ARHGAP35: variants seen among roughly 807,000 people sequenced by gnomAD.
The protein encoded by ARHGAP35 is Rho GTPase activating protein 35.
Under a neutral mutation model 111.1 loss-of-function variants are expected in ARHGAP35, and 15 were observed. The observed-to-expected ratio is 0.13, with a 90% CI of 0.09 to 0.21. The LOEUF (loss-of-function observed/expected upper bound fraction) is 0.21. Ranked by LOEUF, ARHGAP35 falls within the 10% of genes least tolerant of loss-of-function variation. ARHGAP35 has a pLI of 1.00. For missense variants in ARHGAP35, 1,262 were observed against 1,873.0 expected, an observed-to-expected ratio of 0.67 and a Z score of 6.02; for synonymous variants, 643 against 710.3, an observed-to-expected ratio of 0.91 and a Z score of 1.51.
At chr19:46,969,788 AGT>A (rs535025177) in intron 3 of ARHGAP35, among the ~76,000 whole-genome samples, 141 of 152,254 alleles carry the variant, frequency 9.3e-4, no homozygotes, top group Middle Eastern at 3.4e-3. Flanking sequence ...GTCTGCTACA[AGT>A]GTTACTGGGC....
chr19:46,937,456 A>G (rs1176647791), intron 3 of ARHGAP35, 48 bp downstream of exon 3: 5 of 1,600,338 alleles, frequency 3.1e-6, no homozygotes, highest in Non-Finnish European at 4.3e-6. Context: ...TGTCTACAGG[A>G]TGCTTACTGG....
rs907596709 is a variant in ARHGAP35 at position 46,903,901 on chromosome 19, CT to C, written c.-188-14576del. On this transcript the variant is annotated intron_variant, in intron 1 of 6. Transcript: ENST00000672722. ...ATGTTACTTATAGTTTGAAATTCGCCTTTTTTTTTTTCTCTGAAATATATCT... is the reference window on the plus strand; with the variant it reads ...ATGTTACTTATAGTTTGAAATTCGCCTTTTTTTTTTCTCTGAAATATATCT... Among the ~76,000 whole-genome samples the C allele has an allele frequency of 3.5e-3, 511 of 145,614 alleles. 1 individual carries two copies. Among genetic ancestry groups the C allele is most frequent in the Admixed American group, 9.0e-3 (132 of 14,608 alleles).
chr19:46,956,997 T>C (rs2056442970), intron 3 of ARHGAP35, among the ~76,000 whole-genome samples: 1 of 145,956 alleles, frequency 6.9e-6, no homozygotes, highest in Non-Finnish European at 1.5e-5. Flanking sequence ...TCTCGCTCTG[T>C]CGCCCAGGGT....
At position 46,920,963 on chromosome 19, in the gene ARHGAP35, G is replaced by GT. The variant is rs1242502092; in HGVS notation, c.2289dup (p.Asn764Ter). On this transcript the variant is annotated frameshift_variant, in exon 2 of 7. Transcript: ENST00000672722. LOFTEE classifies it high-confidence loss of function. This position sits in a 1 kb window ranked among gnomAD's most constrained non-coding sequence, Gnocchi z 7.0. ...TTGAAGGGACTCCTGGACTCTAAGC[G>GT]TAACTTAAACCTGGTCAGTTCTACT... The GT allele has an allele frequency of 6.2e-7, 1 of 1,613,850 alleles. No homozygotes were observed. Among genetic ancestry groups the GT allele is most frequent in the African/African-American group, 1.3e-5 (1 of 74,910 alleles).
chr19:46,884,516 T>TC (rs1491307775), intron 1 of ARHGAP35, among the ~76,000 whole-genome samples: 170 of 144,908 alleles, frequency 1.2e-3, no homozygotes, highest in African/African-American at 4.1e-3. Context: ...TTTTTTTTTT[T>TC]CCCCTTTTGA....
Position 46,989,816 on chromosome 19 carries a change from C to A in ARHGAP35, c.4036+141C>A. ...GAGGGCAAGGGAATTAACCAGATGA[C>A]AGCAATGGGACTTGCAAATCGGGCT... On this transcript the variant is annotated intron_variant, in intron 5 of 6. Coordinates refer to ENST00000672722, the MANE Select transcript of ARHGAP35 (RefSeq NM_004491.5). The surrounding 1 kb of genome is among the most constrained non-coding windows in gnomAD (Gnocchi z 5.3). 1 of 1,381,524 alleles carries A rather than the reference C, an allele frequency of 7.2e-7. No individual in the cohort carries two copies. Among genetic ancestry groups the A allele is most frequent in the Non-Finnish European group, 9.9e-7 (1 of 1,009,678 alleles). 85.6% of individuals were successfully genotyped at this position (1,381,524 alleles called of 1,614,324 possible). A position where few individuals can be genotyped will look rare whatever the true frequency, so the allele number is the denominator to read the frequency against.
intron 3 of ARHGAP35, among the ~76,000 whole-genome samples, chr19:46,967,795 C>T (rs1359948609): frequency 2.0e-5 from 3 of 152,220 alleles, no homozygotes; most frequent in Non-Finnish European, 2.9e-5. Flanking sequence ...TTATATTTCT[C>T]ACCCGCACTG....
At chr19:46,931,886 CAGAGTGGT>C (rs2056274869) in intron 2 of ARHGAP35, among the ~76,000 whole-genome samples, 1 of 152,202 alleles carries the variant, frequency 6.6e-6, no homozygotes, top group South Asian at 2.1e-4. Context: ...CCTTACCTTG[CAGAGTGGT>C]CGTGAAGTTT....
At chr19:46,978,879 TGTGTGTGTGGTGTGGGG>T (rs2056601626) in intron 3 of ARHGAP35, among the ~76,000 whole-genome samples, 1 of 69,952 alleles carries the variant, frequency 1.4e-5, no homozygotes, top group Non-Finnish European at 2.6e-5. Context: ...TTGGTGGGAT[TGTGTGTGTGGTGTGGGG>T]GTGTGTGTGG....
intron 1 of ARHGAP35, among the ~76,000 whole-genome samples, chr19:46,882,568 A>G (rs930542470): frequency 1.1e-4 from 17 of 152,122 alleles, no homozygotes; most frequent in Non-Finnish European, 1.5e-5. Context: ...TGTGCCATTG[A>G]TGGTTTGCTG....
intron 2 of ARHGAP35, among the ~76,000 whole-genome samples, chr19:46,923,705 G>C (rs1458860201): frequency 6.6e-6 from 1 of 151,712 alleles, no homozygotes; most frequent in East Asian, 1.9e-4. Context: ...GATCTCTTGA[G>C]GTCAGGAGTT....
chr19:46,962,298 G>T (rs1171395674), intron 3 of ARHGAP35, among the ~76,000 whole-genome samples: 1 of 152,218 alleles, frequency 6.6e-6, no homozygotes, highest in African/African-American at 2.4e-5. Context: ...GAGCAGCTCA[G>T]GGTTTCTGAG....
intron 2 of ARHGAP35, among the ~76,000 whole-genome samples, chr19:46,934,353 C>T (rs1269677061): frequency 6.6e-6 from 1 of 152,200 alleles, no homozygotes; most frequent in African/African-American, 2.4e-5. Flanking sequence ...CAGAGGCACT[C>T]AGCCCCTCTT....
intron 3 of ARHGAP35, among the ~76,000 whole-genome samples, chr19:46,978,556 GT>G (rs2056592441): frequency 5.5e-5 from 8 of 144,442 alleles, no homozygotes; most frequent in African/African-American, 7.7e-5. Context: ...GTGTGGTGAG[GT>G]GTGTGTGTGG....
intron 5 of ARHGAP35, chr19:46,998,938 A>C (rs1326199139): frequency 9.4e-6 from 2 of 211,910 alleles, no homozygotes; most frequent in African/African-American, 4.6e-5. Flanking sequence ...CCATCTGGTC[A>C]GGAAGCAAGC....
intron 1 of ARHGAP35, among the ~76,000 whole-genome samples, chr19:46,875,644 CTTTTTA>C (rs1050746034): frequency 1.3e-5 from 2 of 152,130 alleles, no homozygotes; most frequent in Middle Eastern, 3.4e-3. Context: ...TTGCCACAGT[CTTTTTA>C]TTTTTATTTT....
chr19:46,904,993 T>G (rs948174598), intron 1 of ARHGAP35, among the ~76,000 whole-genome samples: 1 of 152,216 alleles, frequency 6.6e-6, no homozygotes, highest in Non-Finnish European at 1.5e-5. Context: ...GGTTCTGGAC[T>G]GGGGTTCCTG....
chr19:46,983,606 C>CTTTTTTTTTTTTTTT, intron 3 of ARHGAP35, among the ~76,000 whole-genome samples: 1 of 69,266 alleles, frequency 1.4e-5, no homozygotes, highest in Non-Finnish European at 2.6e-5. Context: ...AATGTCCATT[C>CTTTTTTTTTTTTTTT]TTTTTTTTTT....
intron 3 of ARHGAP35, among the ~76,000 whole-genome samples, chr19:46,960,112 A>C (rs1326403172): frequency 6.9e-6 from 1 of 144,882 alleles, no homozygotes; most frequent in African/African-American, 2.5e-5. Context: ...CTGTCTCACA[A>C]AAAAAAAAAA....
Sources: gnomAD v4.1 joint callset for allele counts (sites outside exome capture counted in the v4.1 genomes callset) on GRCh38, gnomAD v4.1.1 for gene constraint, Gnocchi (gnomAD v3.1) non-coding constraint, MANE v1.5 for transcripts, NCBI Gene and HGNC (gene_info 2026-07-23, HGNC 2026-07-21) for gene names.